Variants in SLC22A15 observed in about 807,000 individuals in gnomAD.
SLC22A15 encodes solute carrier family 22 member 15, also known as flipt 1.
Under a neutral mutation model 62.7 loss-of-function variants are expected in SLC22A15, and 45 were observed. That is an observed-to-expected ratio of 0.72 (90% CI 0.56 to 0.92). The LOEUF (loss-of-function observed/expected upper bound fraction) is 0.92, where lower values mean the gene tolerates loss of function less well. Among genes scored for constraint, SLC22A15 ranks in the 40% least tolerant of loss-of-function variants. SLC22A15 has a pLI of 0.00. For missense variants in SLC22A15, 622 were observed against 665.6 expected (o/e 0.93, Z 0.72); for synonymous variants, 264 against 267.0 (o/e 0.99, Z 0.11).
Position 115,981,754 on chromosome 1 carries a change from A to G in SLC22A15, c.87+5040A>G, listed in dbSNP as rs115923853. On this transcript the variant is annotated intron_variant, in intron 1 of 11. Coordinates refer to ENST00000369503, the MANE Select transcript of SLC22A15 (RefSeq NM_018420.3). ...GCAACTAGACTGATACCTCTGCAGC[A>G]CCCAAACCCCCAGCCGAATGCCTTC... 3.6e-3 allele frequency among the ~76,000 whole-genome samples: 553 copies of G among 152,316 alleles called. 4 individuals are homozygous for G. Among genetic ancestry groups the G allele is most frequent in the African/African-American group, 0.013 (533 of 41,560 alleles).
intron 11 of SLC22A15, 44 bp downstream of exon 11, chr1:116,066,752 G>A (rs1450205819): frequency 9.9e-6 from 15 of 1,521,270 alleles, no homozygotes; most frequent in African/African-American, 4.2e-5. Flanking sequence ...GATAGTGGCA[G>A]TTAATGAAAA....
intron 5 of SLC22A15, among the ~76,000 whole-genome samples, chr1:116,028,547 TTAAAATATA>T (rs1657219793): frequency 8.6e-6 from 1 of 116,342 alleles, no homozygotes; most frequent in Non-Finnish European, 1.8e-5. Flanking sequence ...TTTTTTTTTT[TTAAAATATA>T]TAGTCTGAAC....
rs1249046844 is a variant in SLC22A15 at position 116,066,668 on chromosome 1, G to C, written c.1514G>C (p.Gly505Ala). The change falls in exon 11 of 12, where the codon GGA becomes GCA. Residue 505 changes from glycine to alanine, a missense_variant. Coordinates refer to ENST00000369503, the MANE Select transcript of SLC22A15 (RefSeq NM_018420.3). Reference sequence around the variant, plus strand: ...CAGGTGTATTCGTATCGCAGGCTGGGAGAAGAAGCATTATCTTTACAGGCT... The same window carrying C: ...CAGGTGTATTCGTATCGCAGGCTGGCAGAAGAAGCATTATCTTTACAGGCT... ...DLQVYSYRRL[G>A]EEALSLQALD... is the part of the protein sequence containing the mutation. The C allele has an allele frequency of 6.2e-7, 1 of 1,612,940 alleles. No homozygotes were observed. Among genetic ancestry groups the C allele is most frequent in the African/African-American group, 1.3e-5 (1 of 75,000 alleles).
In SLC22A15 at chr1:115,976,650, A is replaced by T; in HGVS notation, c.23A>T (p.Gln8Leu). The part of the protein sequence containing the change: MEVEEAF[Q>L]AVGEMGIYQM... ...GCCATGGAGGTGGAGGAGGCGTTCC[A>T]GGCGGTGGGGGAGATGGGCATCTAC... Residue 8 changes from glutamine (Q) to leucine (L), a missense_variant, in exon 1 of 12, where the codon CAG becomes CTG. Gln to Leu is a moderately radical substitution (Grantham distance 113). Coordinates refer to ENST00000369503, the MANE Select transcript of SLC22A15 (RefSeq NM_018420.3). The T allele has an allele frequency of 6.3e-7, 1 of 1,585,988 alleles. No homozygotes were observed. The highest frequency in any genetic ancestry group is 8.6e-7 in the Non-Finnish European group (1 of 1,168,256).
intron 2 of SLC22A15, among the ~76,000 whole-genome samples, chr1:116,014,751 G>A (rs953381045): frequency 2.0e-5 from 3 of 152,052 alleles, no homozygotes; most frequent in African/African-American, 7.2e-5. Context: ...AAAATCTAAA[G>A]ACTCATAAAA....
At chr1:116,021,480 G>C (rs141602152) in intron 4 of SLC22A15, among the ~76,000 whole-genome samples, 149 of 152,298 alleles carry the variant, frequency 9.8e-4, no homozygotes, top group Non-Finnish European at 1.7e-3. Context: ...AGAAGTAACT[G>C]TGTCTAAGAC....
At chr1:115,987,244 C>A (rs1442374845) in intron 1 of SLC22A15, among the ~76,000 whole-genome samples, 2 of 150,572 alleles carry the variant, frequency 1.3e-5, no homozygotes, top group South Asian at 4.2e-4. Flanking sequence ...CGGCTCACTG[C>A]AAGCTCCGCC....
chr1:116,053,730 A>G (rs972573103), intron 8 of SLC22A15, among the ~76,000 whole-genome samples: 12 of 152,362 alleles, frequency 7.9e-5, no homozygotes, highest in Middle Eastern at 6.8e-3. Flanking sequence ...ACAAGCCAGA[A>G]GAGAGTGGGG....
chr1:116,037,043 T>C (rs1386142977), intron 7 of SLC22A15, among the ~76,000 whole-genome samples: 1 of 152,218 alleles, frequency 6.6e-6, no homozygotes, highest in African/African-American at 2.4e-5. Context: ...TTAGGATTTA[T>C]GGAAATAGAT....
intron 9 of SLC22A15, among the ~76,000 whole-genome samples, chr1:116,063,298 A>C (rs1438227672): frequency 6.6e-6 from 1 of 152,238 alleles, no homozygotes; most frequent in Non-Finnish European, 1.5e-5. Flanking sequence ...AGATAATTTC[A>C]TATAGTAATA....
intron 1 of SLC22A15, among the ~76,000 whole-genome samples, chr1:115,986,111 G>A (rs2101066865): frequency 6.6e-6 from 1 of 152,120 alleles, no homozygotes; most frequent in Non-Finnish European, 1.5e-5. Context: ...CTAAAATGCT[G>A]GGATTATAGG....
chr1:116,058,882 A>G (rs990212679), intron 8 of SLC22A15, among the ~76,000 whole-genome samples: 3 of 152,204 alleles, frequency 2.0e-5, no homozygotes, highest in African/African-American at 7.2e-5. Context: ...CAAACATCGT[A>G]TGTTCTCACT....
chr1:116,002,190 A>G (rs996982533), intron 2 of SLC22A15, among the ~76,000 whole-genome samples: 6 of 152,280 alleles, frequency 3.9e-5, no homozygotes, highest in Middle Eastern at 3.4e-3. Context: ...CTGTTTTCCA[A>G]ACAAACAGCA....
chr1:115,985,148 A>G (rs1168938324), intron 1 of SLC22A15, among the ~76,000 whole-genome samples: 2 of 152,224 alleles, frequency 1.3e-5, no homozygotes, highest in Non-Finnish European at 2.9e-5. Flanking sequence ...CCAGTCCCGC[A>G]GGCTCCGTTC....
At chr1:116,021,396 A>G (rs1437788068) in intron 4 of SLC22A15, among the ~76,000 whole-genome samples, 1 of 151,694 alleles carries the variant, frequency 6.6e-6, no homozygotes, top group Non-Finnish European at 1.5e-5. Flanking sequence ...CTATCCCATT[A>G]TTTTCTCAAG....
Position 116,068,850 on chromosome 1 carries a change from A to G in SLC22A15, c.*1742A>G, listed in dbSNP as rs1478234223. 6.6e-6 allele frequency: 1 copy of G among 152,218 alleles called. No individual in the cohort carries two copies. Among genetic ancestry groups the G allele is most frequent in the African/African-American group, 2.4e-5 (1 of 41,462 alleles). The allele number at this position is 152,218 out of a possible 1,614,324, so 9.4% of individuals were successfully genotyped here. On this transcript the variant is annotated 3_prime_UTR_variant, in exon 12 of 12. Transcript: ENST00000369503. ...ACAAAGACACTTAAAAGTTATTCTT[A>G]AATGGTGGTTGGGCATTTAAAACAG...
Position 116,031,529 on chromosome 1 carries a change from C to T in SLC22A15, c.892C>T (p.Leu298Phe), listed in dbSNP as rs752131048. 6.2e-7 allele frequency: 1 copy of T among 1,613,990 alleles called. No individual in the cohort carries two copies. Among genetic ancestry groups the T allele is most frequent in the East Asian group, 2.2e-5 (1 of 44,880 alleles). Residue 298 changes from leucine to phenylalanine, a missense_variant, in exon 6 of 12, where the codon CTC becomes TTC. Coordinates refer to ENST00000369503, the MANE Select transcript of SLC22A15 (RefSeq NM_018420.3). The stretch of plus-strand genomic sequence containing the variant: ...CAGGGAGACTGGAAGTTTCCTGGAT[C>T]TCTTTCGTTACCGGGTCCTGTTAGG... The part of the protein sequence containing the change: ...SCRETGSFLD[L>F]FRYRVLLGHT...
chr1:115,991,946 T>A, intron 1 of SLC22A15, 85 bp from the exon 2 acceptor site: 1 of 1,139,974 alleles, frequency 8.8e-7, no homozygotes, highest in Non-Finnish European at 1.3e-6. Flanking sequence ...GACACTGATC[T>A]TTCAAGGTTT....
intron 8 of SLC22A15, among the ~76,000 whole-genome samples, chr1:116,054,811 A>G (rs906345934): frequency 5.9e-5 from 9 of 152,212 alleles, no homozygotes; most frequent in Non-Finnish European, 1.2e-4. Context: ...ACTACTGGGT[A>G]CATAACGAAA....
Sources: gnomAD v4.1 joint callset for allele counts (sites outside exome capture counted in the v4.1 genomes callset) on GRCh38, gnomAD v4.1.1 for gene constraint, MANE v1.5 for transcripts, NCBI Gene and HGNC (gene_info 2026-07-23, HGNC 2026-07-21) for gene names.